PPFIBP1: variants seen among roughly 807,000 people sequenced by gnomAD.
The protein encoded by PPFIBP1 is liprin-beta-1.
Under a neutral mutation model 137.8 loss-of-function variants are expected in PPFIBP1, and 112 were observed. That is an observed-to-expected ratio of 0.81 (90% CI 0.70 to 0.95). The LOEUF is 0.95. PPFIBP1 is among the 40% of genes least tolerant of loss of function. The pLI is 0.00. For missense variants in PPFIBP1, 1,083 were observed against 1,196.6 expected, an observed-to-expected ratio of 0.91 and a Z score of 1.40; for synonymous variants, 378 against 417.3, an observed-to-expected ratio of 0.91 and a Z score of 1.15.
chr12:27,596,396 T>G (rs1383234665), intron 2 of PPFIBP1, among the ~76,000 whole-genome samples: 3 of 152,236 alleles, frequency 2.0e-5, no homozygotes, highest in African/African-American at 7.2e-5. Flanking sequence ...ACCCAATAGA[T>G]GCAGCCTGGC....
chr12:27,680,909 ACT>A (rs1256948213), intron 21 of PPFIBP1, among the ~76,000 whole-genome samples: 4 of 151,998 alleles, frequency 2.6e-5, no homozygotes, highest in African/African-American at 9.7e-5. Flanking sequence ...CAAGGAGGAA[ACT>A]CTCTTTGGCC....
At chr12:27,655,338 G>A in intron 8 of PPFIBP1, 1 of 792,134 alleles carries the variant, frequency 1.3e-6, no homozygotes, top group Middle Eastern at 2.3e-4. Context: ...CATTCTGTGT[G>A]TGTGTCACCT....
At chr12:27,631,047 C>T (rs1308339924) in intron 2 of PPFIBP1, among the ~76,000 whole-genome samples, 1 of 152,036 alleles carries the variant, frequency 6.6e-6, no homozygotes, top group Non-Finnish European at 1.5e-5. Flanking sequence ...TCTCAAAAAA[C>T]AAACAAAAAG....
intron 7 of PPFIBP1, among the ~76,000 whole-genome samples, chr12:27,652,122 C>T (rs78995151): frequency 0.025 from 3,757 of 152,242 alleles, 158 homozygotes; most frequent in African/African-American, 0.085. Flanking sequence ...TTCTTGTTAT[C>T]GTCCCCTTAA....
rs1194855176 is a variant in PPFIBP1 at position 27,667,254 on chromosome 12, T to C, written c.1080T>C (p.Ser360=). 7 of 1,613,824 alleles carry C rather than the reference T, an allele frequency of 4.3e-6. No homozygotes were observed. The East Asian group carries it at 1.6e-4, about 36-fold the overall frequency. The change falls in exon 13 of 30, where the codon AGT becomes AGC. Residue 360 remains serine (S), a synonymous_variant. Coordinates refer to ENST00000228425, the MANE Select transcript of PPFIBP1 (RefSeq NM_003622.4). ...DAQGFSDLEK[S]PSPTPVMGSP... is the part of the protein sequence containing the mutation. ...AGGGTTTCAGTGATCTGGAGAAAAG[T>C]CCATCACCCACTCCAGTAATGGGAT...
At position 27,692,847 on chromosome 12, in the gene PPFIBP1, A is replaced by G. The variant is rs752946340; in HGVS notation, c.2983A>G (p.Ser995Gly). Residue 995 changes from serine to glycine, a missense_variant, in exon 30 of 30, where the codon AGT (serine) becomes GGT (glycine). Ser to Gly is a moderately conservative substitution (Grantham distance 56). Coordinates refer to ENST00000228425, the MANE Select transcript of PPFIBP1 (RefSeq NM_003622.4). Reference protein sequence around the residue: ...MFKDFAARSPSASITDEDSNV With the variant: ...MFKDFAARSPGASITDEDSNV ...TAAAGATTTTGCTGCCCGTTCCCCC[A>G]GTGCCAGCATTACAGATGAAGACTC... The G allele has an allele frequency of 9.9e-6, 16 of 1,614,044 alleles. No homozygotes were observed. Among genetic ancestry groups the G allele is most frequent in the Non-Finnish European group, 1.4e-5 (16 of 1,180,030 alleles).
chr12:27,554,125 C>T (rs1348809603), intron 1 of PPFIBP1, among the ~76,000 whole-genome samples: 3 of 152,242 alleles, frequency 2.0e-5, no homozygotes, highest in Admixed American at 1.3e-4. Flanking sequence ...CTGGCAACTT[C>T]TAGACATTAG....
intron 8 of PPFIBP1, among the ~76,000 whole-genome samples, chr12:27,655,449 A>T (rs1215270464): frequency 1.3e-5 from 2 of 152,238 alleles, no homozygotes; most frequent in South Asian, 4.1e-4. Flanking sequence ...ATAAACAGGT[A>T]AAAAGAAAGA....
intron 2 of PPFIBP1, among the ~76,000 whole-genome samples, chr12:27,591,133 T>C (rs184992394): frequency 2.0e-5 from 3 of 151,622 alleles, no homozygotes; most frequent in East Asian, 1.9e-4. Flanking sequence ...TATCTGACAC[T>C]CCTATTTGCT....
intron 3 of PPFIBP1, among the ~76,000 whole-genome samples, chr12:27,634,308 C>T (rs1008867267): frequency 6.6e-6 from 1 of 152,092 alleles, no homozygotes; most frequent in Admixed American, 6.5e-5. Flanking sequence ...ATTACAGGCA[C>T]ACGCCACTGC....
chr12:27,574,982 A>G (rs1330229474), intron 1 of PPFIBP1, among the ~76,000 whole-genome samples: 1 of 152,230 alleles, frequency 6.6e-6, no homozygotes, highest in East Asian at 1.9e-4. Context: ...TGAAAAAATT[A>G]AAGCAGTTAA....
At chr12:27,547,047 G>A (rs181766013) in intron 1 of PPFIBP1, 3 of 152,332 alleles carry the variant, frequency 2.0e-5, no homozygotes, top group African/African-American at 7.2e-5. Flanking sequence ...TGAATAAAGT[G>A]TTCAGGACTC....
intron 1 of PPFIBP1, among the ~76,000 whole-genome samples, chr12:27,542,602 G>A (rs1945791988): frequency 6.6e-6 from 1 of 152,064 alleles, no homozygotes; most frequent in Non-Finnish European, 1.5e-5. Flanking sequence ...TTTTTTGTTT[G>A]TTTAAAAGTT....
rs1402729803 is a variant in PPFIBP1, at chr12:27,598,445, G to A, written c.-36+20206G>A. On this transcript the variant is annotated intron_variant, in intron 2 of 29. Transcript: ENST00000228425. ...CCCATGATTCAATTACCTCCGACTG[G>A]GTCCCTCCCACAACACCAGAGAATT... Among the ~76,000 whole-genome samples, 5 of 152,026 alleles carry A rather than the reference G, an allele frequency of 3.3e-5. No homozygotes were observed. The South Asian group carries it at 1.0e-3, about 32-fold the overall frequency.
chr12:27,566,757 G>A (rs370635457), intron 1 of PPFIBP1, among the ~76,000 whole-genome samples: 1 of 152,200 alleles, frequency 6.6e-6, no homozygotes, highest in South Asian at 2.1e-4. Context: ...GAAGCACAGA[G>A]AAGTTAAGTC....
At chr12:27,558,467 T>TACACACACACACACACAC (rs10677887) in intron 1 of PPFIBP1, among the ~76,000 whole-genome samples, 3 of 129,282 alleles carry the variant, frequency 2.3e-5, no homozygotes, top group Non-Finnish European at 4.9e-5. Context: ...CAGTATGTTA[T>TACACACACACACACACAC]ACACACACAC....
intron 20 of PPFIBP1, 54 bp from the exon 21 acceptor site, chr12:27,679,879 C>T: frequency 1.9e-6 from 3 of 1,595,364 alleles, no homozygotes; most frequent in Non-Finnish European, 2.6e-6. Flanking sequence ...TTCTGATTAA[C>T]AAGTCTAAGG....
intron 7 of PPFIBP1, among the ~76,000 whole-genome samples, chr12:27,653,586 T>TAAA (rs11306083): frequency 9.3e-6 from 1 of 107,600 alleles, no homozygotes; most frequent in Admixed American, 1.0e-4. Flanking sequence ...GACTCCATCT[T>TAAA]AAAAAAAAAA....
chr12:27,662,983 G>A (rs1233267118), intron 11 of PPFIBP1, among the ~76,000 whole-genome samples: 2 of 152,136 alleles, frequency 1.3e-5, no homozygotes, highest in Non-Finnish European at 2.9e-5. Context: ...GATCTCGGCT[G>A]GCTTAGCTGA....
Sources: allele counts gnomAD v4.1 joint callset (sites outside exome capture counted in the v4.1 genomes callset), GRCh38; gene constraint gnomAD v4.1.1; transcripts MANE v1.5; gene names NCBI Gene and HGNC (gene_info 2026-07-23, HGNC 2026-07-21).